GCNT2: variants seen among roughly 807,000 people sequenced by gnomAD.
GCNT2 encodes the protein N-acetyllactosaminide beta-1,6-N-acetylglucosaminyl-transferase.
Under a neutral mutation model 34.2 loss-of-function variants are expected in GCNT2, and 34 were observed. That is an observed-to-expected ratio of 1.00 (90% confidence interval 0.76 to 1.32). The LOEUF (loss-of-function observed/expected upper bound fraction) is 1.32. Ranked by LOEUF, GCNT2 falls within the 40% of genes most tolerant of loss-of-function variation. GCNT2 has a pLI of 0.00. For synonymous variants in GCNT2, 212 were observed against 188.0 expected (o/e 1.13, Z -1.04); for missense variants, 584 against 489.4 (o/e 1.19, Z -1.82).
At chr6:10,533,805 A>G (rs1249425934) in intron 3 of GCNT2, among the ~76,000 whole-genome samples, 15 of 146,026 alleles carry the variant, frequency 1.0e-4, no homozygotes, top group African/African-American at 3.8e-4. Context: ...TGTCTCAAAA[A>G]AAAAAAAAAA....
intron 3 of GCNT2, chr6:10,574,616 AGC>A (rs1480351485): frequency 8.2e-5 from 17 of 207,110 alleles, no homozygotes; most frequent in Non-Finnish European, 1.5e-4. Flanking sequence ...TATAATCTAG[AGC>A]AGAGATCAGT....
intron 3 of GCNT2, among the ~76,000 whole-genome samples, chr6:10,538,734 T>C (rs982082175): frequency 2.0e-5 from 3 of 152,062 alleles, no homozygotes; most frequent in African/African-American, 7.2e-5. Flanking sequence ...TATCCATATA[T>C]ATTACCATCA....
Position 10,588,991 on chromosome 6 carries a change from T to TGGTGTG in GCNT2, c.926-32353_926-32348dup, listed in dbSNP as rs796787015. 4.4e-4 allele frequency among the ~76,000 whole-genome samples: 63 copies of TGGTGTG among 141,640 alleles called. 2 individuals are homozygous for TGGTGTG. The South Asian group carries it at 0.013, about 30-fold the overall frequency. The allele number at this position is 141,640 out of a possible 152,430, so 92.9% of individuals were successfully genotyped here. A position where few individuals can be genotyped will look rare whatever the true frequency, so the allele number is the denominator to read the frequency against. On this transcript the variant is annotated intron_variant, in intron 3 of 4. Transcript: ENST00000495262. Reference sequence around the variant, plus strand: ...TGTGTGTATGTATGGTGTGGTTGTGTGGTGTGGGTGTGTGTGTGGTGTGTA... The same window carrying TGGTGTG: ...TGTGTGTATGTATGGTGTGGTTGTGTGGTGTGGGTGTGGGTGTGTGTGTGGTGTGTA...
chr6:10,569,269 A>ACACACACACACACACC (rs1763427628), intron 3 of GCNT2, among the ~76,000 whole-genome samples: 1 of 144,086 alleles, frequency 6.9e-6, no homozygotes, highest in Non-Finnish European at 1.5e-5. Flanking sequence ...ACACACACAC[A>ACACACACACACACACC]CACACCCCCT....
chr6:10,585,475 T>G (rs1413975664), intron 3 of GCNT2, among the ~76,000 whole-genome samples: 1 of 152,096 alleles, frequency 6.6e-6, no homozygotes, highest in African/African-American at 2.4e-5. Context: ...CTGTGGCTCC[T>G]AAGGACTGCC....
chr6:10,599,332 A>T (rs1009224095), intron 3 of GCNT2, among the ~76,000 whole-genome samples: 4 of 152,242 alleles, frequency 2.6e-5, no homozygotes, highest in African/African-American at 9.6e-5. Context: ...CTGACTCTTG[A>T]AAAGAGAAAA....
At chr6:10,596,493 G>T (rs1281059247) in intron 3 of GCNT2, among the ~76,000 whole-genome samples, 2 of 151,744 alleles carry the variant, frequency 1.3e-5, no homozygotes, top group East Asian at 1.9e-4. Context: ...TGCACTCCAG[G>T]CTGGGCAAGA....
intron 1 of GCNT2, 159 bp from the exon 2 acceptor site, chr6:10,527,315 C>CT (rs1761241310): frequency 6.6e-6 from 1 of 152,232 alleles, no homozygotes; most frequent in Non-Finnish European, 1.5e-5. Context: ...ATTCCAGCTA[C>CT]TTGGGAGGCT....
intron 3 of GCNT2, among the ~76,000 whole-genome samples, chr6:10,571,806 G>A (rs1763565882): frequency 6.6e-6 from 1 of 152,118 alleles, no homozygotes; most frequent in Non-Finnish European, 1.5e-5. Flanking sequence ...TTAATCACTT[G>A]TCCCCATGCC....
chr6:10,570,147 C>T (rs1056573720), intron 3 of GCNT2, among the ~76,000 whole-genome samples: 1 of 152,114 alleles, frequency 6.6e-6, no homozygotes, highest in African/African-American at 2.4e-5. Context: ...GTTACTCAGG[C>T]TGGTCTTGAA....
At chr6:10,579,826 C>CAAAAAAAAAAAAAAA (rs61490868) in intron 3 of GCNT2, among the ~76,000 whole-genome samples, 31 of 89,788 alleles carry the variant, frequency 3.5e-4, no homozygotes, top group South Asian at 1.2e-3. Context: ...AAAAAACAAA[C>CAAAAAAAAAAAAAAA]AAAAAAAAAA....
At chr6:10,582,246 TATATATAATATATACTATATATTAA>T (rs1561816197) in intron 3 of GCNT2, among the ~76,000 whole-genome samples, 1 of 120,526 alleles carries the variant, frequency 8.3e-6, no homozygotes, top group Non-Finnish European at 1.6e-5. Context: ...ATATATAAAA[TATATATAATATATACTATATATTAA>T]ATATATAAAT....
At chr6:10,569,243 A>ACACACC (rs1410026435) in intron 3 of GCNT2, among the ~76,000 whole-genome samples, 7 of 141,450 alleles carry the variant, frequency 4.9e-5, no homozygotes, top group African/African-American at 1.6e-4. Context: ...CGCCACACAC[A>ACACACC]CACACACACA....
At position 10,608,104 on chromosome 6, in the gene GCNT2, T is replaced by A. The variant is rs1487343503; in HGVS notation, c.926-13247T>A. 2.8e-5 allele frequency among the ~76,000 whole-genome samples: 4 copies of A among 144,720 alleles called. No individual in the cohort carries two copies. In the Admixed American group the frequency reaches 2.8e-4, roughly 10 times the overall value. The allele number at this position is 144,720 out of a possible 152,430, so 94.9% of individuals were successfully genotyped here. On this transcript the variant is annotated intron_variant, in intron 3 of 4. Transcript: ENST00000495262. ...TTTTTTTTTTTTTTTTGAGATGGAG[T>A]TTCACTCTTGTTGCCCAGGCTGGAG...
intron 3 of GCNT2, among the ~76,000 whole-genome samples, chr6:10,552,967 G>A (rs914022931): frequency 2.6e-5 from 4 of 152,172 alleles, no homozygotes; most frequent in Non-Finnish European, 4.4e-5. Flanking sequence ...CAGTGCAGCT[G>A]AGCCTCTCAA....
rs1766261391 is a variant in GCNT2 at position 10,626,484 on chromosome 6, C to A, written c.1086C>A (p.Ser362Arg). 6.2e-7 allele frequency: 1 copy of A among 1,613,394 alleles called. No homozygotes were observed. Among genetic ancestry groups the A allele is most frequent in the Non-Finnish European group, 8.5e-7 (1 of 1,179,338 alleles). Residue 362 changes from serine to arginine, a missense_variant, in exon 5 of 5, where the codon AGC becomes AGA. By Grantham distance (110) the Ser-to-Arg change is moderately radical. Coordinates refer to ENST00000495262, the MANE Select transcript of GCNT2 (RefSeq NM_145649.5). The stretch of plus-strand genomic sequence containing the variant: ...TAAAGTGGCTGGTTAATTCACCAAG[C>A]CTGTTTGCTAACAAGTTTGAGCTTA... ...GDLKWLVNSPSLFANKFELNT... is the reference protein window; with the variant it reads ...GDLKWLVNSPRLFANKFELNT...
At chr6:10,622,986 C>A (rs146612246) in intron 4 of GCNT2, among the ~76,000 whole-genome samples, 1 of 151,988 alleles carries the variant, frequency 6.6e-6, no homozygotes, top group African/African-American at 2.4e-5. Context: ...GTCTCTTGAC[C>A]TCGTGATCTG....
chr6:10,584,171 T>C (rs1486997120), intron 3 of GCNT2, among the ~76,000 whole-genome samples: 1 of 152,060 alleles, frequency 6.6e-6, no homozygotes, highest in Admixed American at 6.6e-5. Flanking sequence ...GGTGGGGCTA[T>C]AGGGTGAAGG....
Position 10,626,790 on chromosome 6 carries a change from G to T in GCNT2, c.*183G>T. On this transcript the variant is annotated 3_prime_UTR_variant, in exon 5 of 5. Coordinates refer to ENST00000495262, the MANE Select transcript of GCNT2 (RefSeq NM_145649.5). ...CACTGTGAAATACACTAACAGGATG[G>T]CTGGGTAGAGCAATCTGGGCACTTT... 4 of 598,060 alleles carry T rather than the reference G, an allele frequency of 6.7e-6. No individual in the cohort carries two copies. In the South Asian group the frequency reaches 7.9e-5, roughly 12 times the overall value. The allele number at this position is 598,060 out of a possible 1,614,324, so 37.0% of individuals were successfully genotyped here. A position where few individuals can be genotyped will look rare whatever the true frequency, so the allele number is the denominator to read the frequency against.
Sources: allele counts gnomAD v4.1 joint callset (sites outside exome capture counted in the v4.1 genomes callset), GRCh38; gene constraint gnomAD v4.1.1; transcripts MANE v1.5; gene names NCBI Gene and HGNC (gene_info 2026-07-23, HGNC 2026-07-21).